Variants in GLIS3 observed in about 807,000 individuals in gnomAD.
GLIS3 encodes the protein zinc finger protein GLIS3.
Under a neutral mutation model 78.6 loss-of-function variants are expected in GLIS3, and 53 were observed. The ratio of observed to expected loss-of-function variants is 0.67; its 90% CI spans 0.54 to 0.85. GLIS3 has a LOEUF of 0.85. Ranked by LOEUF, GLIS3 falls within the 40% of genes least tolerant of loss-of-function variation. The probability of loss-of-function intolerance (pLI) is 0.00; values close to 1 mark genes in which losing one functional copy is unlikely to be tolerated. For missense variants in GLIS3, 1,703 were observed against 1,231.1 expected, an observed-to-expected ratio of 1.38 and a Z score of -5.74; for synonymous variants, 684 against 509.9, an observed-to-expected ratio of 1.34 and a Z score of -4.60.
intron 2 of GLIS3, among the ~76,000 whole-genome samples, chr9:4,343,160 A>G (rs1467721421): frequency 7.5e-6 from 1 of 133,662 alleles, no homozygotes; most frequent in Non-Finnish European, 1.6e-5. Flanking sequence ...GCAACATAGC[A>G]AGACCTCATC....
intron 2 of GLIS3, among the ~76,000 whole-genome samples, chr9:4,256,075 C>G (rs562754474): frequency 1.3e-5 from 2 of 152,064 alleles, no homozygotes; most frequent in Admixed American, 6.5e-5. Flanking sequence ...TGCCCAAGCC[C>G]TTATTTAAAA....
At chr9:3,891,233 CACTT>C (rs1403833250) in intron 7 of GLIS3, among the ~76,000 whole-genome samples, 4 of 152,126 alleles carry the variant, frequency 2.6e-5, no homozygotes, top group African/African-American at 7.2e-5. Context: ...AGGTGCTGAA[CACTT>C]ACTATGTTTA....
At chr9:4,356,235 G>C in the GLIS3 span, among the ~76,000 whole-genome samples, 1 of 152,280 alleles carries the variant, frequency 6.6e-6, no homozygotes, top group East Asian at 1.9e-4. Context: ...TATTCACACT[G>C]AGTTCAGCAG....
intron 2 of GLIS3, among the ~76,000 whole-genome samples, chr9:4,339,603 T>C (rs1219485476): frequency 1.3e-5 from 2 of 150,240 alleles, no homozygotes; most frequent in Admixed American, 1.3e-4. Context: ...TCCGTCTCTG[T>C]TGTGTGTATT....
chr9:4,355,737 G>C, the GLIS3 span, among the ~76,000 whole-genome samples: 1 of 152,176 alleles, frequency 6.6e-6, no homozygotes, highest in African/African-American at 2.4e-5. Flanking sequence ...TGGAATGAGA[G>C]CCTATACACC....
chr9:4,190,480 GA>G lies in GLIS3; in HGVS notation c.389-64540del, dbSNP rs1212855538. 2.7e-4 allele frequency among the ~76,000 whole-genome samples: 37 copies of G among 135,476 alleles called. 1 individual carries two copies. The highest frequency in any genetic ancestry group is 7.6e-4 in the African/African-American group (31 of 40,614). 88.9% of individuals were successfully genotyped at this position (135,476 alleles called of 152,430 possible). Reference sequence around the variant, plus strand: ...AATGAAGCGAGAAGGGAAGTTTAGAGAAAAAAGAATAAAAACAAACGAACAA... The same window carrying G: ...AATGAAGCGAGAAGGGAAGTTTAGAGAAAAAGAATAAAAACAAACGAACAA... On this transcript the variant is annotated intron_variant, in intron 2 of 10. Coordinates refer to ENST00000381971, the MANE Select transcript of GLIS3 (RefSeq NM_001042413.2).
intron 2 of GLIS3, among the ~76,000 whole-genome samples, chr9:4,336,578 G>C (rs1226176645): frequency 6.6e-6 from 1 of 152,182 alleles, no homozygotes; most frequent in East Asian, 1.9e-4. Flanking sequence ...TTATGGAAAA[G>C]GAAAGTAAGA....
At chr9:4,197,803 T>G (rs1275861324) in intron 2 of GLIS3, among the ~76,000 whole-genome samples, 5 of 152,162 alleles carry the variant, frequency 3.3e-5, no homozygotes, top group East Asian at 1.9e-4. Flanking sequence ...TCTACTGGCT[T>G]GTAGGTCAAA....
the GLIS3 span, among the ~76,000 whole-genome samples, chr9:4,400,508 T>C: frequency 1.4e-4 from 21 of 152,366 alleles, no homozygotes; most frequent in African/African-American, 3.1e-4. Context: ...CCTCTGATTA[T>C]AGATTAGCCA....
intron 4 of GLIS3, among the ~76,000 whole-genome samples, chr9:4,025,954 T>C (rs1411438632): frequency 6.6e-6 from 1 of 152,184 alleles, no homozygotes; most frequent in East Asian, 1.9e-4. Flanking sequence ...TATTCTGTAT[T>C]ATAATTAGGA....
At chr9:4,406,534 T>A in the GLIS3 span, among the ~76,000 whole-genome samples, 1 of 152,140 alleles carries the variant, frequency 6.6e-6, no homozygotes, top group African/African-American at 2.4e-5. Context: ...TGGTCAGATA[T>A]GATCTTATAC....
chr9:3,973,215 G>A (rs1818518357), intron 4 of GLIS3, among the ~76,000 whole-genome samples: 1 of 152,184 alleles, frequency 6.6e-6, no homozygotes. Context: ...GGGATCAAAT[G>A]TGTGACAATA....
In GLIS3 at chr9:3,912,394, T is replaced by C. The variant is rs965766258; in HGVS notation, c.1984-13559A>G. ...AGAATGTAGCCAGTGTTCACCCTCT[T>C]GGAAGAGACTAAAACATATTAGAAA... On this transcript the variant is annotated intron_variant, in intron 6 of 10. Transcript: ENST00000381971. Among the ~76,000 whole-genome samples, 4 of 152,094 alleles carry C rather than the reference T, an allele frequency of 2.6e-5. No individual in the cohort carries two copies. The South Asian group carries it at 6.2e-4, about 24-fold the overall frequency.
intron 2 of GLIS3, among the ~76,000 whole-genome samples, chr9:4,331,200 C>T (rs1372195310): frequency 6.6e-6 from 1 of 152,186 alleles, no homozygotes; most frequent in Non-Finnish European, 1.5e-5. Context: ...CTTTGTTCTT[C>T]CAGCTTCTAA....
In GLIS3 at chr9:3,977,338, T is replaced by C. The variant is rs1217929553; in HGVS notation, c.1711-40149A>G. ...CTCTATCAGCCTTGCCATCTCTTTG[T>C]AGCAGAATAAACTCATATCTGATGC... On this transcript the variant is annotated intron_variant, in intron 4 of 10. Coordinates refer to ENST00000381971, the MANE Select transcript of GLIS3 (RefSeq NM_001042413.2). This position sits in a 1 kb window ranked among gnomAD's most constrained non-coding sequence, Gnocchi z 4.1. Among the ~76,000 whole-genome samples, 1 of 152,214 alleles carries C rather than the reference T, an allele frequency of 6.6e-6. No individual in the cohort carries two copies. The highest frequency in any genetic ancestry group is 2.4e-5 in the African/African-American group (1 of 41,456).
chr9:3,915,882 A>G (rs1172247612), intron 6 of GLIS3, among the ~76,000 whole-genome samples: 1 of 152,236 alleles, frequency 6.6e-6, no homozygotes, highest in Non-Finnish European at 1.5e-5. Context: ...GAAAAATGCC[A>G]TAAAAAGGCA....
chr9:4,355,638 C>T, the GLIS3 span, among the ~76,000 whole-genome samples: 1 of 152,282 alleles, frequency 6.6e-6, no homozygotes, highest in East Asian at 1.9e-4. Flanking sequence ...TGGAATCTGG[C>T]TTCTTAATCA....
intron 2 of GLIS3, among the ~76,000 whole-genome samples, chr9:4,155,367 G>C (rs191024230): frequency 6.6e-6 from 1 of 152,164 alleles, no homozygotes; most frequent in Non-Finnish European, 1.5e-5. Context: ...ATTACATGGC[G>C]CATTTTGTCC....
intron 9 of GLIS3, among the ~76,000 whole-genome samples, chr9:3,851,520 C>A (rs529704363): frequency 6.6e-6 from 1 of 152,164 alleles, no homozygotes; most frequent in African/African-American, 2.4e-5. Context: ...AGCTCTGGTC[C>A]TGGGTCATTC....
Sources: gnomAD v4.1 joint callset for allele counts (sites outside exome capture counted in the v4.1 genomes callset) on GRCh38, gnomAD v4.1.1 for gene constraint, Gnocchi (gnomAD v3.1) non-coding constraint, MANE v1.5 for transcripts, NCBI Gene and HGNC (gene_info 2026-07-23, HGNC 2026-07-21) for gene names.